Variants in AGGF1 observed in about 807,000 individuals in gnomAD.
The protein encoded by AGGF1 is angiogenic factor with G-patch and FHA domains 1.
A neutral mutation model predicts 86.5 loss-of-function variants in AGGF1; 56 were observed. The observed-to-expected ratio is 0.65, with a 90% CI of 0.52 to 0.81. The LOEUF is 0.81. Among genes scored for constraint, AGGF1 ranks in the 30% least tolerant of loss-of-function variants. The pLI is 0.00. For missense variants in AGGF1, 816 were observed against 850.9 expected (o/e 0.96, Z 0.51); for synonymous variants, 313 against 297.1 (o/e 1.05, Z -0.55).
At chr5:77,051,064 C>G (rs1747365016) in intron 8 of AGGF1, among the ~76,000 whole-genome samples, 1 of 151,980 alleles carries the variant, frequency 6.6e-6, no homozygotes, top group Non-Finnish European at 1.5e-5. Flanking sequence ...TCTAAACAAT[C>G]CAGTTGGAAA....
chr5:77,039,844 T>A, intron 5 of AGGF1, 125 bp downstream of exon 5: 3 of 783,668 alleles, frequency 3.8e-6, no homozygotes, highest in Non-Finnish European at 6.1e-6. Context: ...TAAGATAACC[T>A]AGGAAAGTTT....
chr5:77,054,596 A>G (rs938642790), intron 10 of AGGF1, among the ~76,000 whole-genome samples: 1 of 152,204 alleles, frequency 6.6e-6, no homozygotes, highest in Non-Finnish European at 1.5e-5. Context: ...ACCATACACA[A>G]AAAATGATAA....
At chr5:77,050,574 A>G (rs2150732838) in intron 8 of AGGF1, among the ~76,000 whole-genome samples, 1 of 151,754 alleles carries the variant, frequency 6.6e-6, no homozygotes, top group South Asian at 2.1e-4. Context: ...AGCACATATA[A>G]CATGTATCCA....
intron 4 of AGGF1, 32 bp downstream of exon 4, chr5:77,036,752 G>T (rs761184174): frequency 6.2e-7 from 1 of 1,608,556 alleles, no homozygotes; most frequent in South Asian, 1.1e-5. Flanking sequence ...GTTTTGTTTT[G>T]TTTTTGAGAC....
intron 3 of AGGF1, 151 bp from the exon 4 acceptor site, chr5:77,036,405 A>T: frequency 1.3e-6 from 1 of 790,380 alleles, no homozygotes; most frequent in Non-Finnish European, 2.1e-6. Flanking sequence ...ATGTTGTAAT[A>T]AGTGGTTCAA....
At chr5:77,057,755 G>A (rs940151806) in intron 11 of AGGF1, among the ~76,000 whole-genome samples, 1 of 152,186 alleles carries the variant, frequency 6.6e-6, no homozygotes, top group Admixed American at 6.5e-5. Context: ...GGAAAGCATC[G>A]CACCTTGGGT....
intron 4 of AGGF1, among the ~76,000 whole-genome samples, chr5:77,038,628 G>T (rs892809806): frequency 2.6e-5 from 4 of 152,128 alleles, no homozygotes; most frequent in Non-Finnish European, 4.4e-5. Context: ...TTTTGTAAGA[G>T]ATCTGCAAAA....
At position 77,054,056 on chromosome 5, in the gene AGGF1, G is replaced by C; in HGVS notation, c.1559G>C (p.Ser520Thr). ...TTATCCTTTCACATTCATCCTGGCA[G>C]TGATACCTGTGATGGCTGTGAACCA... ...TVLSFHIHPG[S>T]DTCDGCEPGQ... The change falls in exon 10 of 14, where the codon AGT (serine) becomes ACT (threonine). Residue 520 changes from serine (S) to threonine (T), a missense_variant. Physicochemically the swap from Ser to Thr is moderately conservative, Grantham distance 58 (BLOSUM62 1). Coordinates refer to ENST00000312916, the MANE Select transcript of AGGF1 (RefSeq NM_018046.5). 6.2e-7 allele frequency: 1 copy of C among 1,614,140 alleles called. No homozygotes were observed. Among genetic ancestry groups the C allele is most frequent in the Non-Finnish European group, 8.5e-7 (1 of 1,180,014 alleles).
At chr5:77,051,153 G>A (rs1233634844) in intron 8 of AGGF1, among the ~76,000 whole-genome samples, 4 of 152,178 alleles carry the variant, frequency 2.6e-5, no homozygotes, top group Non-Finnish European at 2.9e-5. Context: ...AGTTTGGGGG[G>A]TTGGGCGCGG....
In AGGF1 at chr5:77,046,502, A is replaced by G. The variant is rs754000239; in HGVS notation, c.1026A>G (p.Ile342Met). ...CTGTTCCAACTAGTGGAAATACTAT[A>G]GAGTCTCCTCTTCATGAAAACATCT... ...KVTVPTSGNT[I>M]ESPLHENISN... The change falls in exon 6 of 14, where the codon ATA becomes ATG. Residue 342 changes from isoleucine (I) to methionine (M), a missense_variant. Physicochemically the swap from Ile to Met is conservative, Grantham distance 10 (BLOSUM62 1). This residue lies in a region of AGGF1 where 565 missense variants were observed against 585.8 expected (regional missense o/e 0.96). Coordinates refer to ENST00000312916, the MANE Select transcript of AGGF1 (RefSeq NM_018046.5). The G allele has an allele frequency of 3.1e-6, 5 of 1,614,136 alleles. No individual in the cohort carries two copies. The highest frequency in any genetic ancestry group is 4.2e-6 in the Non-Finnish European group (5 of 1,179,984).
chr5:77,043,000 C>T (rs1580127875), intron 5 of AGGF1, among the ~76,000 whole-genome samples: 1 of 68,880 alleles, frequency 1.5e-5, no homozygotes, highest in African/African-American at 4.9e-5. Flanking sequence ...GCTGGCCGGG[C>T]GGGGGGCCGA....
rs1158361314 is a variant in AGGF1 at position 77,030,984 on chromosome 5, G to A, written c.210+8G>A. On this transcript the variant is annotated splice_region_variant and intron_variant, in intron 1 of 13. Coordinates refer to ENST00000312916, the MANE Select transcript of AGGF1 (RefSeq NM_018046.5). Reference sequence around the variant, plus strand: ...CAGGAGCTCCGCACGCAGGTGCGCGGTCCTCCTCAGCCCCGCGCCCCATCC... The same window carrying A: ...CAGGAGCTCCGCACGCAGGTGCGCGATCCTCCTCAGCCCCGCGCCCCATCC... The A allele has an allele frequency of 1.2e-6, 2 of 1,611,166 alleles. No homozygotes were observed. The highest frequency in any genetic ancestry group is 1.3e-5 in the African/African-American group (1 of 74,942).
chr5:77,035,708 T>C lies in AGGF1; in HGVS notation c.481T>C (p.Tyr161His), dbSNP rs746308028. ...TACCGATAGAACAGAAAATGTTAAA[T>C]ATAGACAAGTGGACCATTTTGCCTC... ...PGTDRTENVK[Y>H]RQVDHFASNS... The change falls in exon 3 of 14, where the codon TAT becomes CAT. Residue 161 changes from tyrosine (Y) to histidine (H), a missense_variant. By Grantham distance (83) the Tyr-to-His change is moderately conservative. This residue lies in a region of AGGF1 where 240 missense variants were observed against 234.4 expected (regional missense o/e 1.02). Coordinates refer to ENST00000312916, the MANE Select transcript of AGGF1 (RefSeq NM_018046.5). 2 of 1,613,602 alleles carry C rather than the reference T, an allele frequency of 1.2e-6. No homozygotes were observed. The highest frequency in any genetic ancestry group is 8.5e-7 in the Non-Finnish European group (1 of 1,179,694).
At chr5:77,050,306 CTTTTTTTTTTTTTTTTT>C (rs10595061) in intron 8 of AGGF1, among the ~76,000 whole-genome samples, 1 of 76,562 alleles carries the variant, frequency 1.3e-5, no homozygotes, top group South Asian at 6.2e-4. Flanking sequence ...TTCTTTGTTT[CTTTTTTTTTTTTTTTTT>C]TTTTTTTTTT....
At chr5:77,054,860 A>G (rs1417908411) in intron 10 of AGGF1, among the ~76,000 whole-genome samples, 3 of 152,208 alleles carry the variant, frequency 2.0e-5, no homozygotes, top group Non-Finnish European at 4.4e-5. Context: ...AAGCCAAGGC[A>G]TGAAGGGTTA....
chr5:77,045,873 T>C (rs1198190657), intron 5 of AGGF1, among the ~76,000 whole-genome samples: 1 of 152,244 alleles, frequency 6.6e-6, no homozygotes. Context: ...CTCTGGATGT[T>C]GCAGACTATG....
Position 77,034,491 on chromosome 5 carries a change from CAG to C in AGGF1, c.288_289del (p.Asn97ProfsTer17). On this transcript the variant is annotated frameshift_variant, in exon 2 of 14. Transcript: ENST00000312916. LOFTEE classifies it high-confidence loss of function. ...AAAAAGTCTGATGTAGAAGTACAAA[CAG>C]AGAACCATGCTCCTTGGTCAATCTC... 2.5e-6 allele frequency: 4 copies of C among 1,612,994 alleles called. No individual in the cohort carries two copies. The highest frequency in any genetic ancestry group is 3.4e-6 in the Non-Finnish European group (4 of 1,179,086).
chr5:77,046,339 T>G lies in AGGF1; in HGVS notation c.871-8T>G. ...CCTGTTCCCTCGTATCTACCCACCC[T>G]TCTCCAGGATTTGAACTCAGAGGAT... On this transcript the variant is annotated splice_polypyrimidine_tract_variant and splice_region_variant and intron_variant, in intron 5 of 13. Coordinates refer to ENST00000312916, the MANE Select transcript of AGGF1 (RefSeq NM_018046.5). The G allele has an allele frequency of 6.2e-7, 1 of 1,609,432 alleles. No homozygotes were observed. The highest frequency in any genetic ancestry group is 8.5e-7 in the Non-Finnish European group (1 of 1,176,154).
At chr5:77,045,260 A>G (rs983199211) in intron 5 of AGGF1, among the ~76,000 whole-genome samples, 7 of 152,212 alleles carry the variant, frequency 4.6e-5, no homozygotes, top group Admixed American at 1.3e-4. Flanking sequence ...CCATTGTATA[A>G]CACGGTGACT....
Sources: gnomAD v4.1 joint callset for allele counts (sites outside exome capture counted in the v4.1 genomes callset) on GRCh38, gnomAD v4.1.1 for gene constraint, gnomAD v4.1.1 regional missense constraint, MANE v1.5 for transcripts, NCBI Gene and HGNC (gene_info 2026-07-23, HGNC 2026-07-21) for gene names.